The following MBD2 variants were observed in gnomAD, a reference collection of about 807,000 sequenced individuals.
MBD2 encodes the protein methyl-CpG-binding domain protein 2.
MBD2 carries 9 observed loss-of-function variants against 39.3 expected under a neutral mutation model. That is an observed-to-expected ratio of 0.23 (90% CI 0.14 to 0.40). The LOEUF (loss-of-function observed/expected upper bound fraction) is 0.40, where lower values mean the gene tolerates loss of function less well. Among genes scored for constraint, MBD2 ranks in the 10% least tolerant of loss-of-function variants. MBD2 has a pLI of 1.00. For missense variants in MBD2, 458 were observed against 532.6 expected, an observed-to-expected ratio of 0.86 and a Z score of 1.38; for synonymous variants, 233 against 211.1, an observed-to-expected ratio of 1.10 and a Z score of -0.90.
At chr18:54,215,801 T>G (rs150672866) in intron 1 of MBD2, among the ~76,000 whole-genome samples, 1,810 of 147,870 alleles carry the variant, frequency 0.012, 28 homozygotes, top group East Asian at 0.045. Flanking sequence ...GCCTTTTTTT[T>G]TTTGTTTGTT....
chr18:54,200,527 A>G (rs1005848531), intron 2 of MBD2, among the ~76,000 whole-genome samples: 2 of 152,178 alleles, frequency 1.3e-5, no homozygotes, highest in Non-Finnish European at 2.9e-5. Flanking sequence ...AGTGTCTCCA[A>G]TTCAATTTTA....
At chr18:54,214,972 C>T (rs942978192) in intron 1 of MBD2, among the ~76,000 whole-genome samples, 2 of 152,034 alleles carry the variant, frequency 1.3e-5, no homozygotes, top group Non-Finnish European at 2.9e-5. Flanking sequence ...GATCTCCTGA[C>T]CTCGTGATCC....
chr18:54,195,497 T>A (rs1003716689), intron 2 of MBD2, among the ~76,000 whole-genome samples: 4 of 152,200 alleles, frequency 2.6e-5, no homozygotes, highest in Admixed American at 6.5e-5. Flanking sequence ...TACTCCAATT[T>A]GAGAAGCAGA....
At chr18:54,187,678 G>A (rs1264438085) in intron 3 of MBD2, 2 of 985,786 alleles carry the variant, frequency 2.0e-6, no homozygotes, top group Non-Finnish European at 2.4e-6. Context: ...GGCACATGCA[G>A]GTACGCATCT....
At chr18:54,204,738 T>G (rs1233856381) in intron 2 of MBD2, among the ~76,000 whole-genome samples, 1 of 152,102 alleles carries the variant, frequency 6.6e-6, no homozygotes, top group Non-Finnish European at 1.5e-5. Flanking sequence ...AGGAGACAAT[T>G]AACACCAAAG....
intron 1 of MBD2, among the ~76,000 whole-genome samples, chr18:54,216,087 G>A (rs1344990675): frequency 6.6e-6 from 1 of 152,138 alleles, no homozygotes; most frequent in African/African-American, 2.4e-5. Context: ...GATTACAGGC[G>A]TGAGCCACCG....
intron 1 of MBD2, among the ~76,000 whole-genome samples, chr18:54,210,526 CCTTTT>C (rs1276845500): frequency 2.6e-5 from 4 of 152,162 alleles, no homozygotes; most frequent in African/African-American, 9.7e-5. Flanking sequence ...GCAGAAGATA[CCTTTT>C]CTTGTTTCTT....
chr18:54,160,135 T>G lies in MBD2; in HGVS notation c.1110-232A>C, dbSNP rs1221088925. 8.8e-6 allele frequency: 4 copies of G among 453,092 alleles called. No individual in the cohort carries two copies. In the Admixed American group the frequency reaches 1.4e-4, roughly 16 times the overall value. 28.1% of individuals were successfully genotyped at this position (453,092 alleles called of 1,614,324 possible). ...TTATCCCTCATCACACATGAAATTC[T>G]AGAAAGAGCAGATTGACGTCAGTGA... On this transcript the variant is annotated intron_variant, in intron 5 of 6. Coordinates refer to ENST00000256429, the MANE Select transcript of MBD2 (RefSeq NM_003927.5).
intron 3 of MBD2, among the ~76,000 whole-genome samples, chr18:54,183,556 A>G (rs1049630916): frequency 3.3e-5 from 5 of 152,244 alleles, no homozygotes; most frequent in African/African-American, 1.2e-4. Flanking sequence ...GCAGGGCAAG[A>G]AATTTAAAGA....
intron 3 of MBD2, among the ~76,000 whole-genome samples, chr18:54,168,613 TTGTGTGTGTGTGTG>T (rs60604906): frequency 0.28 from 32,625 of 116,408 alleles, 5,156 homozygotes; most frequent in East Asian, 0.4. Flanking sequence ...GTATGCATAT[TTGTGTGTGTGTGTG>T]TGTGTGTGTG....
intron 3 of MBD2, among the ~76,000 whole-genome samples, chr18:54,186,858 C>T (rs955033432): frequency 2.0e-5 from 3 of 152,140 alleles, no homozygotes; most frequent in Non-Finnish European, 4.4e-5. Context: ...GTTGAAATGA[C>T]GTAAGTTTTT....
intron 3 of MBD2, among the ~76,000 whole-genome samples, chr18:54,168,385 C>T (rs1200767684): frequency 2.0e-5 from 3 of 151,282 alleles, no homozygotes; most frequent in Non-Finnish European, 4.4e-5. Flanking sequence ...CATCCTGGTA[C>T]CACCACATGT....
At chr18:54,213,729 AG>A (rs1225966651) in intron 1 of MBD2, among the ~76,000 whole-genome samples, 1 of 152,224 alleles carries the variant, frequency 6.6e-6, no homozygotes, top group African/African-American at 2.4e-5. Context: ...AGATAAAGCA[AG>A]ACTGGCCAGG....
chr18:54,224,316 G>C lies in MBD2; in HGVS notation c.244C>G (p.Arg82Gly). 1 of 969,632 alleles carries C rather than the reference G, an allele frequency of 1.0e-6. No homozygotes were observed. Among genetic ancestry groups the C allele is most frequent in the Non-Finnish European group, 1.2e-6 (1 of 814,634 alleles). 60.1% of individuals were successfully genotyped at this position (969,632 alleles called of 1,614,324 possible). A position where few individuals can be genotyped will look rare whatever the true frequency, so the allele number is the denominator to read the frequency against. ...CGGCCCCGTCCCCGTCCCCGGCCAC[G>C]GCCCCGGCCCCGGCCACGGCCACAG... The part of the protein sequence containing the change: ...GVCGRGRGRG[R>G]GRGRGRGRGR... The change falls in exon 1 of 7, where the codon CGT becomes GGT. Residue 82 changes from arginine (R) to glycine (G), a missense_variant. Transcript: ENST00000256429.
intron 3 of MBD2, among the ~76,000 whole-genome samples, chr18:54,181,183 ACTGCATCTAGC>A (rs2086249835): frequency 6.6e-6 from 1 of 151,624 alleles, no homozygotes; most frequent in African/African-American, 2.4e-5. Context: ...ATGTTGAGCC[ACTGCATCTAGC>A]CTCATTCCTT....
chr18:54,162,288 G>T (rs959852629), intron 5 of MBD2, among the ~76,000 whole-genome samples: 1 of 152,186 alleles, frequency 6.6e-6, no homozygotes, highest in African/African-American at 2.4e-5. Flanking sequence ...ACTCATCAAT[G>T]CAAACATTAT....
chr18:54,200,282 C>T (rs1370785802), intron 2 of MBD2, among the ~76,000 whole-genome samples: 1 of 152,108 alleles, frequency 6.6e-6, no homozygotes, highest in Non-Finnish European at 1.5e-5. Flanking sequence ...ATATTGTAAG[C>T]AATTTGTAGA....
At chr18:54,162,427 A>G (rs1298351685) in intron 5 of MBD2, among the ~76,000 whole-genome samples, 1 of 152,212 alleles carries the variant, frequency 6.6e-6, no homozygotes, top group Non-Finnish European at 1.5e-5. Flanking sequence ...TATTTTGAAC[A>G]TGTACTAATT....
chr18:54,203,007 G>C (rs368659624), intron 2 of MBD2: 18 of 1,094,734 alleles, frequency 1.6e-5, no homozygotes, highest in African/African-American at 1.1e-4. Flanking sequence ...GAAGGGGAAG[G>C]GGGTAAGCAC....
Sources: allele counts gnomAD v4.1 joint callset (sites outside exome capture counted in the v4.1 genomes callset), GRCh38; gene constraint gnomAD v4.1.1; transcripts MANE v1.5; gene names NCBI Gene and HGNC (gene_info 2026-07-23, HGNC 2026-07-21).